The following FMN1 variants were observed in gnomAD, a reference collection of about 807,000 sequenced individuals.
FMN1 encodes the protein formin-1.
Under a neutral mutation model 132.4 loss-of-function variants are expected in FMN1, and 110 were observed. That is an observed-to-expected ratio of 0.83 (90% CI 0.71 to 0.97). The LOEUF (loss-of-function observed/expected upper bound fraction) is 0.97. Among genes scored for constraint, FMN1 ranks in the 50% least tolerant of loss-of-function variants. FMN1 has a pLI of 0.00. For synonymous variants in FMN1, 722 were observed against 651.7 expected (o/e 1.11, Z -1.64); for missense variants, 1,792 against 1,705.3 (o/e 1.05, Z -0.90).
At chr15:33,006,989 A>G (rs917492416) in intron 7 of FMN1, among the ~76,000 whole-genome samples, 64 of 152,152 alleles carry the variant, frequency 4.2e-4, no homozygotes, top group African/African-American at 1.4e-3. Context: ...TCTGTACAAC[A>G]TGGTGACTAT....
chr15:32,938,457 A>C (rs2061329587), intron 9 of FMN1, among the ~76,000 whole-genome samples: 1 of 152,150 alleles, frequency 6.6e-6, no homozygotes, highest in Admixed American at 6.5e-5. Context: ...TGAACCCAGG[A>C]GGTGGAAGTT....
At chr15:32,855,539 T>C (rs2059111930) in intron 17 of FMN1, among the ~76,000 whole-genome samples, 2 of 152,244 alleles carry the variant, frequency 1.3e-5, no homozygotes, top group African/African-American at 4.8e-5. Context: ...TTCATATTTA[T>C]GTCTTTTCAA....
chr15:32,830,725 A>C (rs1030045687), intron 17 of FMN1, among the ~76,000 whole-genome samples: 4 of 152,168 alleles, frequency 2.6e-5, no homozygotes, highest in Non-Finnish European at 5.9e-5. Context: ...GTAGAAACCT[A>C]ATTTTCCCAG....
At chr15:33,165,550 C>T (rs912666522) in intron 3 of FMN1, among the ~76,000 whole-genome samples, 9 of 152,190 alleles carry the variant, frequency 5.9e-5, no homozygotes, top group Admixed American at 1.3e-4. Context: ...GCCACCACGC[C>T]CGGCTAATTT....
chr15:33,050,207 T>A (rs964067643), intron 6 of FMN1, among the ~76,000 whole-genome samples: 3 of 152,214 alleles, frequency 2.0e-5, no homozygotes, highest in African/African-American at 7.2e-5. Context: ...CAACTTATGT[T>A]TATCAGAACA....
At chr15:33,054,240 TAG>T (rs1373218692) in intron 6 of FMN1, among the ~76,000 whole-genome samples, 3 of 152,194 alleles carry the variant, frequency 2.0e-5, no homozygotes, top group Admixed American at 6.5e-5. Flanking sequence ...TGCCTGGAAA[TAG>T]AGACAAAGAC....
At position 32,804,437 on chromosome 15, in the gene FMN1, CGGGGGG is replaced by C. The variant is rs57088967; in HGVS notation, c.3929-111_3929-106del. On this transcript the variant is annotated intron_variant, in intron 17 of 20. Coordinates refer to ENST00000616417, the MANE Select transcript of FMN1 (RefSeq NM_001277313.2). ...TTCATTACCACAGGAGGTCTGAATT[CGGGGGG>C]GGGGGGGGGGGGTAGCCTGTAACAC... 121 of 24,168 alleles carry C rather than the reference CGGGGGG, an allele frequency of 5.0e-3. 18 individuals carry two copies. Among genetic ancestry groups the C allele is most frequent in the Middle Eastern group, 0.032 (2 of 62 alleles). The allele number at this position is 24,168 out of a possible 1,614,324, so 1.5% of individuals were successfully genotyped here.
At chr15:32,859,102 G>C (rs1420510998) in intron 16 of FMN1, among the ~76,000 whole-genome samples, 1 of 152,204 alleles carries the variant, frequency 6.6e-6, no homozygotes, top group Non-Finnish European at 1.5e-5. Context: ...GCCATTTGCT[G>C]AGATAGAGAA....
chr15:32,831,654 C>T (rs1369274056), intron 17 of FMN1, among the ~76,000 whole-genome samples: 1 of 151,968 alleles, frequency 6.6e-6, no homozygotes, highest in Non-Finnish European at 1.5e-5. Flanking sequence ...GAATAGTAAG[C>T]TTGGACAAGT....
chr15:32,899,353 T>C (rs888475135), intron 14 of FMN1, among the ~76,000 whole-genome samples: 11 of 152,198 alleles, frequency 7.2e-5, no homozygotes, highest in African/African-American at 2.4e-4. Context: ...GGGAGGCCAG[T>C]GGGGAGCAGG....
chr15:33,000,543 G>C (rs559297407), intron 7 of FMN1, among the ~76,000 whole-genome samples: 61 of 152,124 alleles, frequency 4.0e-4, no homozygotes, highest in Non-Finnish European at 2.9e-5. Flanking sequence ...TGGAGAGAGA[G>C]GCTGAGGTGG....
chr15:32,994,212 C>CCTCTCT (rs771176022), intron 7 of FMN1, among the ~76,000 whole-genome samples: 272 of 146,494 alleles, frequency 1.9e-3, no homozygotes, highest in Middle Eastern at 6.9e-3. Context: ...AGAACTCATT[C>CCTCTCT]CTCTCTCTCT....
intron 19 of FMN1, among the ~76,000 whole-genome samples, chr15:32,793,454 A>AT (rs1235474383): frequency 6.6e-6 from 1 of 151,602 alleles, no homozygotes; most frequent in Non-Finnish European, 1.5e-5. Context: ...CAAGTTTTGT[A>AT]TTTTTTAGTA....
Position 33,191,596 on chromosome 15 carries a change from C to T in FMN1, c.-197+2313G>A, listed in dbSNP as rs182139681. Among the ~76,000 whole-genome samples the T allele has an allele frequency of 6.9e-4, 105 of 152,316 alleles. 1 individual carries two copies. In the East Asian group the frequency reaches 0.011, roughly 16 times the overall value. Reference sequence around the variant, plus strand: ...ACTCTGGGAGATTGTTTACTTTTAGCCAGGGAACTTGAGAAACATAAGTGA... The same window carrying T: ...ACTCTGGGAGATTGTTTACTTTTAGTCAGGGAACTTGAGAAACATAAGTGA... On this transcript the variant is annotated intron_variant, in intron 2 of 20. Coordinates refer to ENST00000616417, the MANE Select transcript of FMN1 (RefSeq NM_001277313.2).
chr15:32,982,126 C>T (rs1222509812), intron 7 of FMN1, among the ~76,000 whole-genome samples: 3 of 152,080 alleles, frequency 2.0e-5, no homozygotes, highest in African/African-American at 7.2e-5. Flanking sequence ...AGCAAATAAG[C>T]ACATAAAAAG....
At chr15:32,833,422 C>A (rs1008425596) in intron 17 of FMN1, among the ~76,000 whole-genome samples, 1 of 152,090 alleles carries the variant, frequency 6.6e-6, no homozygotes, top group Non-Finnish European at 1.5e-5. Context: ...AGAAAGCCAA[C>A]TAGCATCAAA....
chr15:33,117,196 A>G (rs1487121834), intron 4 of FMN1, among the ~76,000 whole-genome samples: 1 of 151,980 alleles, frequency 6.6e-6, no homozygotes, highest in African/African-American at 2.4e-5. Context: ...CCCAACCCCT[A>G]CTCCAAAAGA....
intron 6 of FMN1, chr15:33,064,227 A>G (rs2037613331): frequency 6.6e-6 from 1 of 152,222 alleles, no homozygotes; most frequent in South Asian, 2.1e-4. Context: ...AATATAAGCC[A>G]CGTATAGGTA....
intron 4 of FMN1, among the ~76,000 whole-genome samples, chr15:33,104,011 G>A (rs2039390460): frequency 6.6e-6 from 1 of 151,870 alleles, no homozygotes; most frequent in Non-Finnish European, 1.5e-5. Flanking sequence ...AACTTCATCG[G>A]CAAAATTTTC....
Sources: gnomAD v4.1 joint callset for allele counts (sites outside exome capture counted in the v4.1 genomes callset) on GRCh38, gnomAD v4.1.1 for gene constraint, MANE v1.5 for transcripts, NCBI Gene and HGNC (gene_info 2026-07-23, HGNC 2026-07-21) for gene names.